The following PDE10A variants were observed in gnomAD, a reference collection of about 807,000 sequenced individuals.
PDE10A encodes the protein phosphodiesterase 10A, also known as cAMP and cAMP-inhibited cGMP 3',5'-cyclic phosphodiesterase 10A.
In PDE10A, 39 loss-of-function variants were observed where a neutral mutation model predicts 97.7. The observed-to-expected ratio is 0.40, with a 90% confidence interval of 0.31 to 0.52. PDE10A has a LOEUF of 0.52. Ranked by LOEUF, PDE10A falls within the 20% of genes least tolerant of loss-of-function variation. The pLI, the probability that PDE10A is intolerant of heterozygous loss-of-function variation, is 0.56. For missense variants in PDE10A, 731 were observed against 1,047.8 expected (o/e 0.70, Z 4.17); for synonymous variants, 371 against 376.8 (o/e 0.98, Z 0.18).
chr6:165,444,839 AATT>A (rs1405718634), intron 5 of PDE10A, among the ~76,000 whole-genome samples: 1 of 152,114 alleles, frequency 6.6e-6, no homozygotes, highest in African/African-American at 2.4e-5. Flanking sequence ...TCAGAAATTT[AATT>A]ATTTCTACTG....
chr6:165,848,802 C>A (rs922565769), intron 1 of PDE10A, among the ~76,000 whole-genome samples: 1 of 152,030 alleles, frequency 6.6e-6, no homozygotes, highest in Non-Finnish European at 1.5e-5. Context: ...AAGATAGGGC[C>A]GGGGGAGGAA....
Position 165,455,076 on chromosome 6 carries a change from C to T in PDE10A, c.1024-4714G>A, listed in dbSNP as rs568462070. On this transcript the variant is annotated intron_variant, in intron 3 of 21. Transcript: ENST00000539869. ...CATTTGCCTGGGTGACTGAATATCACGGGGGCAGGCAGAATTACTAGATTT... is the reference window on the plus strand; with the variant it reads ...CATTTGCCTGGGTGACTGAATATCATGGGGGCAGGCAGAATTACTAGATTT... 1.9e-4 allele frequency among the ~76,000 whole-genome samples: 29 copies of T among 152,232 alleles called. No individual in the cohort carries two copies. The South Asian group carries it at 5.2e-3, about 27-fold the overall frequency.
At chr6:165,589,073 C>T (rs1197676982) in intron 1 of PDE10A, among the ~76,000 whole-genome samples, 3 of 152,084 alleles carry the variant, frequency 2.0e-5, no homozygotes, top group Non-Finnish European at 1.5e-5. Flanking sequence ...AATATATTGC[C>T]AACATATACA....
rs78814336 is a variant in PDE10A, at chr6:165,685,859, A to G, written c.-614-142291T>C. ...TCTGTGAACACTCTTACATTTTGAT[A>G]TATAAAATTTAAAAGTAGAATTTAT... On this transcript the variant is annotated intron_variant, in intron 1 of 19. Transcript: ENST00000366882. 7.4e-3 allele frequency among the ~76,000 whole-genome samples: 1,135 copies of G among 152,378 alleles called. 17 individuals carry two copies. Among genetic ancestry groups the G allele is most frequent in the African/African-American group, 0.026 (1,076 of 41,590 alleles).
At chr6:165,439,279 G>A (rs527616809) in intron 5 of PDE10A, among the ~76,000 whole-genome samples, 1 of 152,254 alleles carries the variant, frequency 6.6e-6, no homozygotes, top group East Asian at 1.9e-4. Flanking sequence ...GTTGAACTGA[G>A]TCTCTAAGAT....
intron 1 of PDE10A, among the ~76,000 whole-genome samples, chr6:165,805,194 T>C (rs1206709308): frequency 6.6e-6 from 1 of 151,882 alleles, no homozygotes; most frequent in Non-Finnish European, 1.5e-5. Context: ...CCTCGCGAAG[T>C]TGGAGAGGCC....
At chr6:165,826,529 CT>C (rs1447498094) in intron 1 of PDE10A, among the ~76,000 whole-genome samples, 3 of 151,930 alleles carry the variant, frequency 2.0e-5, no homozygotes, top group African/African-American at 4.8e-5. Flanking sequence ...TACTCTGCCC[CT>C]GTGTCCCTCT....
At position 165,755,405 on chromosome 6, in the gene PDE10A, T is replaced by C. The variant is rs182591374; in HGVS notation, c.-614-211837A>G. 3.2e-4 allele frequency among the ~76,000 whole-genome samples: 48 copies of C among 152,314 alleles called. No individual in the cohort carries two copies. In the East Asian group the frequency reaches 9.1e-3, roughly 29 times the overall value. On this transcript the variant is annotated intron_variant, in intron 1 of 19. Transcript: ENST00000366882. ...AAAATAAACAGTTGCCCTGGGGAAA[T>C]GTCTTTGAAATGATCCTGCAGAGGG...
intron 10 of PDE10A, among the ~76,000 whole-genome samples, chr6:165,425,962 TA>T (rs775187012): frequency 5.3e-5 from 8 of 151,674 alleles, no homozygotes; most frequent in South Asian, 2.1e-4. Context: ...ATAATAGCAT[TA>T]AAAAAATAGG....
At chr6:165,958,288 A>G (rs1374699247) in intron 1 of PDE10A, among the ~76,000 whole-genome samples, 1 of 152,044 alleles carries the variant, frequency 6.6e-6, no homozygotes, top group Non-Finnish European at 1.5e-5. Flanking sequence ...GGAGCAAAAT[A>G]CAAAATGACC....
Position 165,568,000 on chromosome 6 carries a change from T to TTTC in PDE10A, c.866-24433_866-24432insGAA, listed in dbSNP as rs1231320956. Among the ~76,000 whole-genome samples, 311 of 140,710 alleles carry TTTC rather than the reference T, an allele frequency of 2.2e-3. 3 individuals are homozygous for TTTC. The highest frequency in any genetic ancestry group is 7.9e-3 in the African/African-American group (302 of 38,166). The allele number at this position is 140,710 out of a possible 152,430, so 92.3% of individuals were successfully genotyped here. On this transcript the variant is annotated intron_variant, in intron 1 of 21. Coordinates refer to ENST00000539869, the MANE Select transcript of PDE10A (RefSeq NM_001385079.1). ...AATAGGTACGCAACAAGGCATTTTT[T>TTTC]TTTTTTTTTTTTTTTTGAGACGGAG...
chr6:165,440,779 T>C (rs1187035434), intron 5 of PDE10A, among the ~76,000 whole-genome samples: 3 of 152,030 alleles, frequency 2.0e-5, no homozygotes, highest in Middle Eastern at 3.2e-3. Flanking sequence ...CTGTAAATTA[T>C]GGAAAGGTTG....
intron 1 of PDE10A, among the ~76,000 whole-genome samples, chr6:165,954,924 C>T (rs1784085218): frequency 6.6e-6 from 1 of 152,060 alleles, no homozygotes; most frequent in African/African-American, 2.4e-5. Context: ...TTTGTTATTG[C>T]AGGGAATTAA....
At chr6:165,758,527 A>AGAAGAAGAAGAG (rs1554317323) in intron 1 of PDE10A, among the ~76,000 whole-genome samples, 32,431 of 139,132 alleles carry the variant, frequency 0.23, 4,973 homozygotes, top group Non-Finnish European at 0.34. Context: ...AAGAAGAAGA[A>AGAAGAAGAAGAG]GAAGAGGAAG....
chr6:165,679,549 G>A (rs552032477), intron 1 of PDE10A, among the ~76,000 whole-genome samples: 202 of 152,298 alleles, frequency 1.3e-3, no homozygotes, highest in African/African-American at 4.6e-3. Context: ...GCGGTCAGGC[G>A]TGCCTGGCCC....
At chr6:165,543,867 T>C (rs1248088511) in intron 1 of PDE10A, among the ~76,000 whole-genome samples, 1 of 146,722 alleles carries the variant, frequency 6.8e-6, no homozygotes, top group Non-Finnish European at 1.5e-5. Context: ...ATTTTTCATA[T>C]ATACGTGTGT....
intron 1 of PDE10A, among the ~76,000 whole-genome samples, chr6:165,923,159 C>G (rs975624695): frequency 6.6e-6 from 1 of 152,150 alleles, no homozygotes; most frequent in African/African-American, 2.4e-5. Context: ...GGCCTTCGCT[C>G]CTAATTAGGA....
At chr6:165,424,174 G>C (rs961507084) in intron 10 of PDE10A, among the ~76,000 whole-genome samples, 2 of 152,082 alleles carry the variant, frequency 1.3e-5, no homozygotes, top group African/African-American at 4.8e-5. Context: ...ACAGCATCAG[G>C]AAAGCTTGCC....
At chr6:165,707,836 G>C (rs1791757439) in intron 1 of PDE10A, among the ~76,000 whole-genome samples, 1 of 152,040 alleles carries the variant, frequency 6.6e-6, no homozygotes, top group Non-Finnish European at 1.5e-5. Flanking sequence ...TCCTTTAGGG[G>C]ATCTTGAATA....
Sources: allele counts gnomAD v4.1 joint callset (sites outside exome capture counted in the v4.1 genomes callset), GRCh38; gene constraint gnomAD v4.1.1; transcripts MANE v1.5; gene names NCBI Gene and HGNC (gene_info 2026-07-23, HGNC 2026-07-21).